ARMCX4: variants seen among roughly 807,000 people sequenced by gnomAD.
ARMCX4 encodes the protein armadillo repeat containing X-linked 4.
Under a neutral mutation model 34.7 loss-of-function variants are expected in ARMCX4, and 3 were observed. That is an observed-to-expected ratio of 0.09 (90% confidence interval 0.04 to 0.22). The LOEUF (loss-of-function observed/expected upper bound fraction) is 0.22, where lower values mean the gene tolerates loss of function less well. ARMCX4 is among the 10% of genes least tolerant of loss of function. ARMCX4 has a pLI of 1.00. For missense variants in ARMCX4, 1,448 were observed against 1,720.8 expected (o/e 0.84, Z 2.81); for synonymous variants, 513 against 632.8 (o/e 0.81, Z 2.84).
At chrX:101,482,388 ATTCTT>A (rs76465820), upstream of ARMCX4, among the ~76,000 whole-genome samples, 31,190 of 107,470 alleles carry the variant, frequency 0.29, 3,590 homozygotes, top group East Asian at 0.53. Context: ...GGGTTTGACT[ATTCTT>A]TTCTTTTCTT....
At chrX:101,479,415 T>A (rs1303615062) in intron 4 of ARMCX4, among the ~76,000 whole-genome samples, 6 of 108,253 alleles carry the variant, frequency 5.5e-5, no homozygotes, top group Non-Finnish European at 1.1e-4. Context: ...TTAAAAATAC[T>A]ACATGACCCT....
intron 7 of ARMCX4, among the ~76,000 whole-genome samples, chrX:101,502,744 CT>C (rs1251637854): frequency 4.6e-5 from 5 of 108,403 alleles, no homozygotes; most frequent in Non-Finnish European, 7.7e-5. Flanking sequence ...TTATTTTTTT[CT>C]TCTTCTTTAG....
At chrX:101,440,250 C>G (rs1260450627) in intron 2 of ARMCX4, among the ~76,000 whole-genome samples, 1 of 111,885 alleles carries the variant, frequency 8.9e-6, no homozygotes, top group African/African-American at 3.2e-5. Context: ...CACTCCAGAC[C>G]CTGTTTGCCT....
At chrX:101,433,167 T>C (rs1280453214) in intron 2 of ARMCX4, among the ~76,000 whole-genome samples, 1 of 61,546 alleles carries the variant, frequency 1.6e-5, no homozygotes. Context: ...TATGTATACA[T>C]ACATGTGTAT....
chrX:101,532,901 C>T (rs1477986639), intron 12 of ARMCX4: 1 of 111,551 alleles, frequency 9.0e-6, no homozygotes, highest in Non-Finnish European at 1.9e-5. Context: ...TATCCCGTGA[C>T]AGTACGGTGG....
At chrX:101,439,543 A>G (rs1343162299) in intron 2 of ARMCX4, among the ~76,000 whole-genome samples, 1 of 111,544 alleles carries the variant, frequency 9.0e-6, no homozygotes, top group African/African-American at 3.3e-5. Context: ...GATTGGGGAA[A>G]TTCTCCTGGA....
At chrX:101,442,940 G>T (rs1931392547) in intron 2 of ARMCX4, among the ~76,000 whole-genome samples, 1 of 110,082 alleles carries the variant, frequency 9.1e-6, no homozygotes, top group Admixed American at 9.7e-5. Context: ...AGACCATCCT[G>T]GCTAACTCGG....
At chrX:101,530,551 A>C (rs1220589513) in intron 11 of ARMCX4, among the ~76,000 whole-genome samples, 1 of 112,308 alleles carries the variant, frequency 8.9e-6, no homozygotes, top group Non-Finnish European at 1.9e-5. Context: ...AGGTAGTTAG[A>C]GGAAAATAAC....
chrX:101,487,389 C>T, intron 3 of ARMCX4, 117 bp downstream of exon 3: 1 of 193,992 alleles, frequency 5.2e-6, no homozygotes, highest in Admixed American at 6.4e-5. Context: ...TGCCATGCCT[C>T]CTGTGGATTT....
chrX:101,504,046 C>T (rs112899775), intron 7 of ARMCX4, among the ~76,000 whole-genome samples: 1 of 111,984 alleles, frequency 8.9e-6, no homozygotes, highest in Non-Finnish European at 1.9e-5. Context: ...AATAGGGAAT[C>T]CTTTCCCCAT....
At chrX:101,428,965 G>A (rs1426660071) in intron 2 of ARMCX4, among the ~76,000 whole-genome samples, 1 of 104,811 alleles carries the variant, frequency 9.5e-6, no homozygotes, top group African/African-American at 3.5e-5. Context: ...TCAACCTTTC[G>A]GGCTCAGGCA....
At chrX:101,436,585 C>T (rs1263529759) in intron 2 of ARMCX4, among the ~76,000 whole-genome samples, 83 of 111,311 alleles carry the variant, frequency 7.5e-4, no homozygotes, top group Non-Finnish European at 1.4e-3. Flanking sequence ...TCATGTCGTC[C>T]GCAAACAGGG....
At chrX:101,474,295 G>T (rs1318594254) in intron 4 of ARMCX4, among the ~76,000 whole-genome samples, 4 of 99,247 alleles carry the variant, frequency 4.0e-5, no homozygotes, top group Admixed American at 1.1e-4. Flanking sequence ...AATAACAGGA[G>T]CTGAAATTGT....
intron 11 of ARMCX4, among the ~76,000 whole-genome samples, chrX:101,515,310 C>G (rs1343218522): frequency 3.6e-5 from 3 of 83,665 alleles, no homozygotes; most frequent in African/African-American, 1.3e-4. Context: ...CTTTTCTCCT[C>G]CCTTCCTTCC....
chrX:101,433,062 G>C (rs976824669), intron 2 of ARMCX4, among the ~76,000 whole-genome samples: 17 of 107,338 alleles, frequency 1.6e-4, no homozygotes, highest in Non-Finnish European at 3.3e-4. Flanking sequence ...ATACATACAC[G>C]TGTATATATA....
chrX:101,487,411 A>G (rs1223560386), intron 3 of ARMCX4, 139 bp downstream of exon 3: 2 of 187,045 alleles, frequency 1.1e-5, no homozygotes, highest in African/African-American at 3.3e-5. Flanking sequence ...AGTGCAGGAA[A>G]TGATAGGAAT....
chrX:101,496,160 C>T (rs1267435733), downstream of ARMCX4, among the ~76,000 whole-genome samples: 1 of 110,071 alleles, frequency 9.1e-6, no homozygotes, highest in African/African-American at 3.3e-5. Flanking sequence ...GAGAGTCAGG[C>T]AGTAGAGGTG....
At chrX:101,482,289 C>A (rs1055348516), upstream of ARMCX4, among the ~76,000 whole-genome samples, 2 of 111,905 alleles carry the variant, frequency 1.8e-5, no homozygotes, top group Middle Eastern at 4.6e-3. Context: ...ATCATGTATA[C>A]AAAAGGTTAA....
intron 10 of ARMCX4, among the ~76,000 whole-genome samples, chrX:101,510,275 G>A (rs957969365): frequency 5.4e-5 from 6 of 111,633 alleles, no homozygotes; most frequent in Admixed American, 4.8e-4. Context: ...AATATATCAC[G>A]GAAGTCTTTC....
Sources: allele counts gnomAD v4.1 joint callset (sites outside exome capture counted in the v4.1 genomes callset), GRCh38; gene constraint gnomAD v4.1.1; transcripts MANE v1.5; gene names NCBI Gene and HGNC (gene_info 2026-07-23, HGNC 2026-07-21).